Variants in SRGAP3 observed in about 807,000 individuals in gnomAD.
SRGAP3 encodes the protein SLIT-ROBO Rho GTPase activating protein 3, also known as SLIT-ROBO Rho GTPase-activating protein 3.
Under a neutral mutation model 121.1 loss-of-function variants are expected in SRGAP3, and 39 were observed. That is an observed-to-expected ratio of 0.32 (90% CI 0.25 to 0.42). The LOEUF (loss-of-function observed/expected upper bound fraction) is 0.42. Among genes scored for constraint, SRGAP3 ranks in the 10% least tolerant of loss-of-function variants. SRGAP3 has a pLI of 1.00. For synonymous variants in SRGAP3, 601 were observed against 570.0 expected (o/e 1.05, Z -0.77); for missense variants, 1,213 against 1,470.6 (o/e 0.82, Z 2.86).
intron 19 of SRGAP3, 48 bp from the exon 20 acceptor site, chr3:8,993,103 C>A: frequency 6.2e-7 from 1 of 1,610,922 alleles, no homozygotes; most frequent in Non-Finnish European, 8.5e-7. Context: ...CCCAAAGAAC[C>A]CAGCATATAC....
At position 9,332,608 on chromosome 3, in the gene SRGAP3, T is replaced by C. The variant is rs116707514; in HGVS notation, n.215-2012A>G. Among the ~76,000 whole-genome samples, 1,109 of 152,326 alleles carry C rather than the reference T, an allele frequency of 7.3e-3. 12 individuals carry two copies. The highest frequency in any genetic ancestry group is 0.025 in the African/African-American group (1,025 of 41,564). ...AGAAGATTACGCAAAAAAAAGAATG[T>C]CAAGAGAGTTTTTTTCTATATAAAA... On this transcript the variant is annotated intron_variant and non_coding_transcript_variant, in intron 1 of 3. Transcript: ENST00000490889.
At chr3:9,205,010 C>T (rs1952214912) in intron 1 of SRGAP3, among the ~76,000 whole-genome samples, 1 of 152,212 alleles carries the variant, frequency 6.6e-6, no homozygotes. Flanking sequence ...ACTACAGCAC[C>T]TTGGTGATGT....
intron 1 of SRGAP3, among the ~76,000 whole-genome samples, chr3:9,336,717 T>C (rs545570718): frequency 1.3e-5 from 2 of 152,100 alleles, no homozygotes; most frequent in South Asian, 2.1e-4. Context: ...AGAAGATATG[T>C]GTTGAGAAAT....
intron 1 of SRGAP3, among the ~76,000 whole-genome samples, chr3:9,351,356 T>A (rs951295904): frequency 2.0e-5 from 3 of 152,214 alleles, no homozygotes; most frequent in Non-Finnish European, 4.4e-5. Context: ...CACCATTGTA[T>A]CCCTATTTTC....
intron 1 of SRGAP3, among the ~76,000 whole-genome samples, chr3:9,157,281 C>T (rs1950450585): frequency 6.6e-6 from 1 of 152,104 alleles, no homozygotes; most frequent in South Asian, 2.1e-4. Context: ...GGATGTGCTA[C>T]ACTCTTCCAA....
At chr3:9,086,630 T>TACACACCCAC (rs1947492246) in intron 3 of SRGAP3, among the ~76,000 whole-genome samples, 1 of 143,996 alleles carries the variant, frequency 6.9e-6, no homozygotes. Context: ...TATACACATA[T>TACACACCCAC]ATACACCCAC....
At chr3:9,290,850 TA>T (rs554237590) in intron 3 of SRGAP3, among the ~76,000 whole-genome samples, 8 of 152,230 alleles carry the variant, frequency 5.3e-5, no homozygotes, top group Non-Finnish European at 8.8e-5. Flanking sequence ...AAATCATTTT[TA>T]ATGAGCTAAA....
At chr3:9,241,521 C>T (rs1487567758) in intron 1 of SRGAP3, among the ~76,000 whole-genome samples, 1 of 152,214 alleles carries the variant, frequency 6.6e-6, no homozygotes, top group African/African-American at 2.4e-5. Context: ...CACTAAGAAA[C>T]ATCTCATCTA....
intron 1 of SRGAP3, among the ~76,000 whole-genome samples, chr3:9,214,142 A>G (rs551900220): frequency 6.6e-6 from 1 of 151,312 alleles, no homozygotes; most frequent in Admixed American, 6.6e-5. Context: ...ACACACACAC[A>G]TGCACACACA....
At chr3:9,211,545 T>C (rs1235401495) in intron 1 of SRGAP3, among the ~76,000 whole-genome samples, 1 of 152,048 alleles carries the variant, frequency 6.6e-6, no homozygotes, top group Non-Finnish European at 1.5e-5. Flanking sequence ...TTCCTCAAAG[T>C]CTGATAAAAT....
chr3:8,996,125 T>C (rs973629376), intron 18 of SRGAP3, among the ~76,000 whole-genome samples: 4 of 152,232 alleles, frequency 2.6e-5, no homozygotes, highest in African/African-American at 9.6e-5. Flanking sequence ...TAAATGGAAA[T>C]GGTAATAAAT....
chr3:9,117,969 CA>C (rs1358776304), intron 2 of SRGAP3, among the ~76,000 whole-genome samples: 1 of 151,860 alleles, frequency 6.6e-6, no homozygotes, highest in African/African-American at 2.4e-5. Flanking sequence ...AAAAATAATT[CA>C]TTTTTTTTTT....
At chr3:9,256,904 A>C in intron 3 of SRGAP3, 1 of 398,574 alleles carries the variant, frequency 2.5e-6, no homozygotes, top group Non-Finnish European at 4.4e-6. Context: ...CACTTTAAGA[A>C]ACAGAATAAC....
intron 3 of SRGAP3, among the ~76,000 whole-genome samples, chr3:9,084,958 G>C (rs1037297833): frequency 1.3e-5 from 2 of 152,210 alleles, no homozygotes; most frequent in African/African-American, 4.8e-5. Flanking sequence ...CAGAGACCTG[G>C]TTTGGAGGCA....
intron 1 of SRGAP3, among the ~76,000 whole-genome samples, chr3:9,216,115 G>T (rs1952611695): frequency 6.6e-6 from 1 of 151,682 alleles, no homozygotes; most frequent in East Asian, 1.9e-4. Flanking sequence ...TGCACACTCA[G>T]AGGGCCTGAG....
intron 10 of SRGAP3, among the ~76,000 whole-genome samples, chr3:9,038,519 A>C (rs1207519132): frequency 6.6e-6 from 1 of 152,250 alleles, no homozygotes; most frequent in African/African-American, 2.4e-5. Flanking sequence ...AAACTCCTGC[A>C]ATGTTTAATG....
At chr3:9,180,774 G>C (rs148470972) in intron 1 of SRGAP3, among the ~76,000 whole-genome samples, 88 of 152,280 alleles carry the variant, frequency 5.8e-4, no homozygotes, top group African/African-American at 2.1e-3. Context: ...GCAGATCCCA[G>C]TTCCCACTGT....
intron 1 of SRGAP3, among the ~76,000 whole-genome samples, chr3:9,150,578 G>A (rs747607208): frequency 2.0e-5 from 3 of 152,208 alleles, no homozygotes; most frequent in Non-Finnish European, 4.4e-5. Context: ...GCCCTAGACA[G>A]TGGGCCCCAC....
chr3:9,281,138 A>T (rs995519330), intron 3 of SRGAP3, among the ~76,000 whole-genome samples: 4 of 152,164 alleles, frequency 2.6e-5, no homozygotes, highest in Admixed American at 1.3e-4. Context: ...TTCACTCTCC[A>T]ACCACAAAGC....
Sources: allele counts gnomAD v4.1 joint callset (sites outside exome capture counted in the v4.1 genomes callset), GRCh38; gene constraint gnomAD v4.1.1; transcripts MANE v1.5; gene names NCBI Gene and HGNC (gene_info 2026-07-23, HGNC 2026-07-21).